Variants in CPA6 observed in about 807,000 individuals in gnomAD.
CPA6 encodes the protein carboxypeptidase B.
CPA6 carries 58 observed loss-of-function variants against 63.3 expected under a neutral mutation model. The ratio of observed to expected loss-of-function variants is 0.92; its 90% CI spans 0.74 to 1.14. CPA6 has a LOEUF of 1.14. Among genes scored for constraint, CPA6 ranks in the 50% most tolerant of loss-of-function variants. The pLI is 0.00. For missense variants in CPA6, 565 were observed against 526.6 expected (o/e 1.07, Z -0.71); for synonymous variants, 185 against 179.0 (o/e 1.03, Z -0.27).
chr8:67,553,993 C>A (rs777833244), intron 2 of CPA6, among the ~76,000 whole-genome samples: 2 of 152,126 alleles, frequency 1.3e-5, no homozygotes, highest in Admixed American at 6.5e-5. Context: ...TGTCTGTCTA[C>A]TTATCTATTT....
At chr8:67,693,812 C>T (rs1181496027) in intron 1 of CPA6, among the ~76,000 whole-genome samples, 1 of 152,164 alleles carries the variant, frequency 6.6e-6, no homozygotes, top group East Asian at 1.9e-4. Flanking sequence ...CCTGAACGGA[C>T]TCAGATGGAA....
At chr8:67,561,293 T>C (rs10808754) in intron 2 of CPA6, among the ~76,000 whole-genome samples, 77,913 of 152,002 alleles carry the variant, frequency 0.51, 20,640 homozygotes, top group Non-Finnish European at 0.59. Context: ...AGTACCTCCC[T>C]ATAAAGCACT....
chr8:67,594,785 AT>A (rs1039553944), intron 2 of CPA6, among the ~76,000 whole-genome samples: 60 of 151,832 alleles, frequency 4.0e-4, no homozygotes, highest in African/African-American at 1.4e-3. Flanking sequence ...ATTTGTCTAA[AT>A]TTTTTTCAAA....
chr8:67,684,938 A>C (rs1465125131), intron 1 of CPA6, among the ~76,000 whole-genome samples: 2 of 152,016 alleles, frequency 1.3e-5, no homozygotes, highest in East Asian at 3.9e-4. Flanking sequence ...TCCTCTTAGT[A>C]ATTTTCCACC....
chr8:67,743,607 C>T (rs1817952516), intron 1 of CPA6, among the ~76,000 whole-genome samples: 1 of 152,016 alleles, frequency 6.6e-6, no homozygotes, highest in South Asian at 2.1e-4. Flanking sequence ...TATTTCTCCC[C>T]AAATCTCCCA....
chr8:67,560,261 C>G (rs868437495), intron 2 of CPA6, among the ~76,000 whole-genome samples: 5 of 151,338 alleles, frequency 3.3e-5, no homozygotes, highest in Non-Finnish European at 7.4e-5. Context: ...AAAGGAAATA[C>G]TGCATCTCCC....
At chr8:67,674,678 C>T (rs1456445998) in intron 1 of CPA6, among the ~76,000 whole-genome samples, 1 of 151,936 alleles carries the variant, frequency 6.6e-6, no homozygotes, top group African/African-American at 2.4e-5. Context: ...TGGGCATATA[C>T]CTAAAGGAAA....
intron 1 of CPA6, among the ~76,000 whole-genome samples, chr8:67,733,570 T>C (rs1175316042): frequency 6.6e-6 from 1 of 152,192 alleles, no homozygotes; most frequent in Non-Finnish European, 1.5e-5. Flanking sequence ...CTATGGCATA[T>C]TAATTTTCTG....
intron 1 of CPA6, among the ~76,000 whole-genome samples, chr8:67,740,044 T>C (rs1048196377): frequency 6.6e-6 from 1 of 152,188 alleles, no homozygotes. Flanking sequence ...AGAGGCATAT[T>C]TGAAGACATG....
intron 2 of CPA6, among the ~76,000 whole-genome samples, chr8:67,583,923 T>C (rs185368781): frequency 3.3e-4 from 50 of 152,136 alleles, no homozygotes; most frequent in African/African-American, 1.2e-3. Context: ...TTTGGGAGGC[T>C]GAGGCAGGAG....
intron 1 of CPA6, among the ~76,000 whole-genome samples, chr8:67,659,163 C>T (rs879905402): frequency 6.6e-6 from 1 of 152,212 alleles, no homozygotes; most frequent in Non-Finnish European, 1.5e-5. Context: ...TCCCACTGCT[C>T]TCTTTATGCT....
chr8:67,701,260 T>C (rs1348517675), intron 1 of CPA6, among the ~76,000 whole-genome samples: 1 of 152,208 alleles, frequency 6.6e-6, no homozygotes, highest in East Asian at 1.9e-4. Flanking sequence ...AGGGTGCTAC[T>C]GAGCACTCAT....
intron 8 of CPA6, among the ~76,000 whole-genome samples, chr8:67,449,795 T>A (rs1417070625): frequency 6.7e-6 from 1 of 148,482 alleles, no homozygotes; most frequent in African/African-American, 2.5e-5. Context: ...GGGGAATCAG[T>A]CACCCAAGCC....
At chr8:67,723,644 G>A (rs1415928531) in intron 1 of CPA6, among the ~76,000 whole-genome samples, 1 of 152,136 alleles carries the variant, frequency 6.6e-6, no homozygotes, top group Non-Finnish European at 1.5e-5. Context: ...ATTTCCTTGT[G>A]AGTGAAATGT....
chr8:67,490,821 T>C (rs550667639), intron 6 of CPA6, among the ~76,000 whole-genome samples: 12 of 151,586 alleles, frequency 7.9e-5, no homozygotes, highest in Admixed American at 6.6e-4. Flanking sequence ...TTTCCCTCCT[T>C]TTCAATGCTT....
chr8:67,491,397 A>G (rs2128962385), intron 6 of CPA6, among the ~76,000 whole-genome samples: 1 of 152,242 alleles, frequency 6.6e-6, no homozygotes, highest in South Asian at 2.1e-4. Flanking sequence ...CTCATCTTGT[A>G]TATTCTAGTT....
chr8:67,723,929 G>A (rs377532968), intron 1 of CPA6, among the ~76,000 whole-genome samples: 2 of 152,100 alleles, frequency 1.3e-5, no homozygotes, highest in South Asian at 2.1e-4. Flanking sequence ...CCATTAAGAT[G>A]GTTTCTATTG....
Position 67,511,556 on chromosome 8 carries a change from A to C in CPA6, c.417T>G (p.Tyr139Ter). The C allele has an allele frequency of 6.3e-7, 1 of 1,594,096 alleles. No homozygotes were observed. The highest frequency in any genetic ancestry group is 2.2e-5 in the East Asian group (1 of 44,756). Residue 139 changes from tyrosine to a stop codon, truncating the protein, a stop_gained, in exon 4 of 11, where the codon TAT becomes TAG. Coordinates refer to ENST00000297770, the MANE Select transcript of CPA6 (RefSeq NM_020361.5). LOFTEE classifies it high-confidence loss of function. Reference protein sequence around the residue: ...RSLSGYNYEVYHSLEEIQNWM... With the variant: ...RSLSGYNYEV ...GATTACATACTTCTTCTAAGGAGTG[A>C]TAAACTTCATAATTATATCCAGAGA...
chr8:67,524,790 C>G (rs983248832), intron 2 of CPA6, among the ~76,000 whole-genome samples: 1 of 152,054 alleles, frequency 6.6e-6, no homozygotes, highest in African/African-American at 2.4e-5. Flanking sequence ...TATCCTCTCT[C>G]CAAGATTTCT....
Sources: allele counts gnomAD v4.1 joint callset (sites outside exome capture counted in the v4.1 genomes callset), GRCh38; gene constraint gnomAD v4.1.1; transcripts MANE v1.5; gene names NCBI Gene and HGNC (gene_info 2026-07-23, HGNC 2026-07-21).